Variants in CDIN1 observed in about 807,000 individuals in gnomAD.
The protein encoded by CDIN1 is CDAN1 interacting nuclease 1, also known as CDAN1-interacting nuclease 1.
In CDIN1, 33 loss-of-function variants were observed where a neutral mutation model predicts 45.3. That is an observed-to-expected ratio of 0.73 (90% CI 0.55 to 0.97). The LOEUF is 0.97. Ranked by LOEUF, CDIN1 falls within the 50% of genes least tolerant of loss-of-function variation. CDIN1 has a pLI of 0.00. For synonymous variants in CDIN1, 118 were observed against 124.4 expected, an observed-to-expected ratio of 0.95 and a Z score of 0.34; for missense variants, 303 against 339.4, an observed-to-expected ratio of 0.89 and a Z score of 0.84.
At chr15:36,628,855 T>TC (rs933381599) in intron 1 of CDIN1, among the ~76,000 whole-genome samples, 19 of 152,158 alleles carry the variant, frequency 1.2e-4, no homozygotes, top group African/African-American at 4.3e-4. Context: ...GGAGAGATTA[T>TC]CCTAGAATAC....
At chr15:36,622,947 T>A (rs1369723904) in intron 1 of CDIN1, among the ~76,000 whole-genome samples, 1 of 152,240 alleles carries the variant, frequency 6.6e-6, no homozygotes, top group East Asian at 1.9e-4. Flanking sequence ...CAGCCATTTC[T>A]AAATATTGAG....
At position 36,747,390 on chromosome 15, in the gene CDIN1, A is replaced by T. The variant is rs1032154916; in HGVS notation, c.716+37429A>T. On this transcript the variant is annotated intron_variant, in intron 10 of 10. Coordinates refer to ENST00000566621, the MANE Select transcript of CDIN1 (RefSeq NM_001321759.2). The stretch of plus-strand genomic sequence containing the variant: ...CGGCTTCAGTTGGCCTAGAGTTTTC[A>T]TTTATTCCATGCTCTTTTTTATAAG... The T allele has an allele frequency of 5.8e-5, 10 of 172,492 alleles. No individual in the cohort carries two copies. In the East Asian group the frequency reaches 1.4e-3, roughly 23 times the overall value. 10.7% of individuals were successfully genotyped at this position (172,492 alleles called of 1,614,324 possible). A position where few individuals can be genotyped will look rare whatever the true frequency, so the allele number is the denominator to read the frequency against.
At position 36,602,349 on chromosome 15, in the gene CDIN1, A is replaced by T. The variant is rs569525825; in HGVS notation, c.101+22388A>T. Among the ~76,000 whole-genome samples, 6 of 152,360 alleles carry T rather than the reference A, an allele frequency of 3.9e-5. No homozygotes were observed. In the South Asian group the frequency reaches 1.2e-3, roughly 32 times the overall value. On this transcript the variant is annotated intron_variant, in intron 1 of 10. Transcript: ENST00000566621. ...ATGAATACTATTTCCTACTGCGGACACATTGTAATGATAGCAAAAACACTT... is the reference window on the plus strand; with the variant it reads ...ATGAATACTATTTCCTACTGCGGACTCATTGTAATGATAGCAAAAACACTT...
intron 10 of CDIN1, among the ~76,000 whole-genome samples, chr15:36,725,927 A>G (rs1423198596): frequency 1.3e-5 from 2 of 152,192 alleles, no homozygotes; most frequent in African/African-American, 4.8e-5. Flanking sequence ...GCTAATAAAT[A>G]TAAAATAATT....
At chr15:36,621,374 A>G (rs1364238763) in intron 1 of CDIN1, among the ~76,000 whole-genome samples, 2 of 152,228 alleles carry the variant, frequency 1.3e-5, no homozygotes, top group Admixed American at 6.5e-5. Flanking sequence ...CACTGCACGT[A>G]TCTGTACAAG....
intron 10 of CDIN1, among the ~76,000 whole-genome samples, chr15:36,790,051 G>A (rs1393069848): frequency 6.6e-6 from 1 of 152,190 alleles, no homozygotes; most frequent in Non-Finnish European, 1.5e-5. Context: ...GAAGCCACAA[G>A]GGTTGCTTCC....
chr15:36,635,249 C>T (rs1232519545), intron 1 of CDIN1, among the ~76,000 whole-genome samples: 1 of 152,136 alleles, frequency 6.6e-6, no homozygotes, highest in African/African-American at 2.4e-5. Flanking sequence ...TCCTGGTACT[C>T]CCAGTATCAA....
chr15:36,642,692 A>G (rs919966210), intron 1 of CDIN1, among the ~76,000 whole-genome samples: 2 of 152,178 alleles, frequency 1.3e-5, no homozygotes, highest in African/African-American at 2.4e-5. Flanking sequence ...GGGCATCTAC[A>G]GTTATGTTAT....
At chr15:36,762,494 G>C (rs2053794787) in intron 10 of CDIN1, among the ~76,000 whole-genome samples, 1 of 152,056 alleles carries the variant, frequency 6.6e-6, no homozygotes, top group East Asian at 1.9e-4. Flanking sequence ...TTGTTTGTTT[G>C]TTTGTTTGTT....
intron 10 of CDIN1, among the ~76,000 whole-genome samples, chr15:36,725,021 A>G (rs1358030177): frequency 1.3e-5 from 2 of 152,104 alleles, no homozygotes; most frequent in African/African-American, 4.8e-5. Context: ...CCCACATCCA[A>G]AGCTCCATCG....
chr15:36,594,686 C>T (rs971632589), intron 1 of CDIN1, among the ~76,000 whole-genome samples: 2 of 151,984 alleles, frequency 1.3e-5, no homozygotes, highest in Admixed American at 6.6e-5. Flanking sequence ...GACCTTTGTG[C>T]GCAATAAAAA....
intron 10 of CDIN1, among the ~76,000 whole-genome samples, chr15:36,711,165 G>T (rs1233803254): frequency 6.6e-6 from 1 of 152,004 alleles, no homozygotes; most frequent in African/African-American, 2.4e-5. Context: ...TTTATGATGA[G>T]TTTGAAATAG....
chr15:36,770,893 C>T (rs1024015947), intron 10 of CDIN1, among the ~76,000 whole-genome samples: 1 of 152,176 alleles, frequency 6.6e-6, no homozygotes, highest in African/African-American at 2.4e-5. Flanking sequence ...ATGCTGCTGC[C>T]CAGCGAGATG....
At chr15:36,639,615 A>G (rs1455822535) in intron 1 of CDIN1, among the ~76,000 whole-genome samples, 5 of 152,178 alleles carry the variant, frequency 3.3e-5, no homozygotes, top group Non-Finnish European at 1.5e-5. Flanking sequence ...TCAAAAAAAC[A>G]CAATACAGTA....
At chr15:36,620,542 C>T (rs1328628214) in intron 1 of CDIN1, among the ~76,000 whole-genome samples, 1 of 152,002 alleles carries the variant, frequency 6.6e-6, no homozygotes, top group East Asian at 1.9e-4. Context: ...AGCAAAATAA[C>T]CAACTACTTA....
intron 5 of CDIN1, among the ~76,000 whole-genome samples, chr15:36,690,550 G>C (rs191940973): frequency 1.3e-5 from 2 of 152,230 alleles, no homozygotes; most frequent in African/African-American, 4.8e-5. Flanking sequence ...TTACAGACGT[G>C]AGCCACCGCG....
intron 5 of CDIN1, among the ~76,000 whole-genome samples, chr15:36,673,551 T>C (rs933231239): frequency 1.2e-4 from 19 of 152,162 alleles, no homozygotes; most frequent in African/African-American, 4.1e-4. Flanking sequence ...TCCTATTTTT[T>C]AATTTAGTTA....
chr15:36,651,758 G>C (rs746697667), intron 3 of CDIN1, among the ~76,000 whole-genome samples: 23 of 152,168 alleles, frequency 1.5e-4, no homozygotes, highest in Middle Eastern at 3.4e-3. Context: ...CCTGGGGTTT[G>C]GTTTCTTTAT....
At chr15:36,620,329 C>A (rs968939342) in intron 1 of CDIN1, among the ~76,000 whole-genome samples, 9 of 151,200 alleles carry the variant, frequency 6.0e-5, no homozygotes, top group African/African-American at 1.7e-4. Context: ...CCAGCCTGGG[C>A]GACAAAGCGA....
Sources: gnomAD v4.1 joint callset for allele counts (sites outside exome capture counted in the v4.1 genomes callset) on GRCh38, gnomAD v4.1.1 for gene constraint, MANE v1.5 for transcripts, NCBI Gene and HGNC (gene_info 2026-07-23, HGNC 2026-07-21) for gene names.